Variants in HS6ST3 observed in about 807,000 individuals in gnomAD.
HS6ST3 encodes the protein heparan-sulfate 6-O-sulfotransferase 3.
HS6ST3 carries 12 observed loss-of-function variants against 36.7 expected under a neutral mutation model. The ratio of observed to expected loss-of-function variants is 0.33; its 90% CI spans 0.21 to 0.53. The LOEUF (loss-of-function observed/expected upper bound fraction) is 0.53. Ranked by LOEUF, HS6ST3 falls within the 20% of genes least tolerant of loss-of-function variation. The pLI is 0.95. For synonymous variants in HS6ST3, 240 were observed against 257.5 expected (o/e 0.93, Z 0.65); for missense variants, 584 against 640.9 (o/e 0.91, Z 0.96).
intron 1 of HS6ST3, among the ~76,000 whole-genome samples, chr13:96,824,276 G>A (rs1389324739): frequency 6.6e-6 from 1 of 152,242 alleles, no homozygotes; most frequent in African/African-American, 2.4e-5. Context: ...TGGCTTCTGT[G>A]TGAGGTAAGA....
At chr13:96,696,853 T>C (rs938613512) in intron 1 of HS6ST3, among the ~76,000 whole-genome samples, 6 of 152,152 alleles carry the variant, frequency 3.9e-5, no homozygotes, top group Admixed American at 2.6e-4. Flanking sequence ...ACTCAAGACC[T>C]GCTCTCACCA....
chr13:96,190,618 C>A (rs1272874681), intron 1 of HS6ST3, among the ~76,000 whole-genome samples: 1 of 152,194 alleles, frequency 6.6e-6, no homozygotes, highest in African/African-American at 2.4e-5. Flanking sequence ...ACAAAACAAG[C>A]TTCTTGCTTT....
chr13:96,538,470 G>T (rs549445871), intron 1 of HS6ST3, among the ~76,000 whole-genome samples: 107 of 152,310 alleles, frequency 7.0e-4, no homozygotes, highest in African/African-American at 2.3e-3. Flanking sequence ...TTGAGACAGG[G>T]TCTCACTCTG....
At chr13:96,778,865 C>T (rs1877458289) in intron 1 of HS6ST3, among the ~76,000 whole-genome samples, 1 of 152,162 alleles carries the variant, frequency 6.6e-6, no homozygotes, top group Admixed American at 6.5e-5. Flanking sequence ...AAGACACATG[C>T]ACACATATGT....
chr13:96,694,504 A>G (rs776590510), intron 1 of HS6ST3, among the ~76,000 whole-genome samples: 10 of 152,128 alleles, frequency 6.6e-5, no homozygotes, highest in Non-Finnish European at 1.5e-4. Context: ...TGATAGGTTG[A>G]TTTATATATT....
intron 1 of HS6ST3, among the ~76,000 whole-genome samples, chr13:96,196,045 T>C (rs896430022): frequency 6.6e-6 from 1 of 152,184 alleles, no homozygotes; most frequent in Non-Finnish European, 1.5e-5. Flanking sequence ...TGTGTGCTTT[T>C]TCCTCAAGTG....
At chr13:96,780,972 A>G (rs1157320411) in intron 1 of HS6ST3, among the ~76,000 whole-genome samples, 1 of 151,716 alleles carries the variant, frequency 6.6e-6, no homozygotes, top group African/African-American at 2.4e-5. Context: ...ACTAGATTAT[A>G]TACTTTACCT....
rs2055836271 is a variant in HS6ST3, at chr13:96,470,688, C to T, written c.708-361802C>T. On this transcript the variant is annotated intron_variant, in intron 1 of 1. Coordinates refer to ENST00000376705, the MANE Select transcript of HS6ST3 (RefSeq NM_153456.4). ...TCCCACTCAGCTCTTCAACCCACTG[C>T]ACTCTTGCCTCTGTCCTCACCACTC... Among the ~76,000 whole-genome samples the T allele has an allele frequency of 2.0e-5, 3 of 152,306 alleles. No individual in the cohort carries two copies. In the South Asian group the frequency reaches 6.2e-4, roughly 32 times the overall value.
chr13:96,184,102 G>A (rs1566902033), intron 1 of HS6ST3, among the ~76,000 whole-genome samples: 1 of 150,572 alleles, frequency 6.6e-6, no homozygotes, highest in African/African-American at 2.4e-5. Context: ...TCGGGAGGCT[G>A]AGGTGGGAGA....
chr13:96,292,192 T>C (rs945389546), intron 1 of HS6ST3, among the ~76,000 whole-genome samples: 1 of 144,340 alleles, frequency 6.9e-6, no homozygotes, highest in Non-Finnish European at 1.5e-5. Flanking sequence ...ATATGAAGTT[T>C]TTAGAAGTTT....
intron 1 of HS6ST3, among the ~76,000 whole-genome samples, chr13:96,213,957 A>G (rs1411473133): frequency 6.6e-6 from 1 of 152,152 alleles, no homozygotes; most frequent in Non-Finnish European, 1.5e-5. Flanking sequence ...ACAGAGAATA[A>G]TGTAACAGCA....
chr13:96,817,326 G>A (rs1478462647), intron 1 of HS6ST3, among the ~76,000 whole-genome samples: 1 of 152,168 alleles, frequency 6.6e-6, no homozygotes, highest in East Asian at 1.9e-4. Flanking sequence ...GTGGACGCAG[G>A]AAATCACAGG....
intron 1 of HS6ST3, among the ~76,000 whole-genome samples, chr13:96,278,356 C>T (rs576180741): frequency 6.6e-6 from 1 of 152,248 alleles, no homozygotes; most frequent in East Asian, 1.9e-4. Flanking sequence ...AGGCAGCACA[C>T]CGGAGTAAGA....
intron 1 of HS6ST3, among the ~76,000 whole-genome samples, chr13:96,577,363 C>T (rs1373558862): frequency 6.6e-6 from 1 of 152,186 alleles, no homozygotes; most frequent in Non-Finnish European, 1.5e-5. Flanking sequence ...TATATGGCTG[C>T]ATAGTATTCC....
At chr13:96,783,331 A>G (rs528026568) in intron 1 of HS6ST3, among the ~76,000 whole-genome samples, 12 of 152,228 alleles carry the variant, frequency 7.9e-5, no homozygotes, top group African/African-American at 2.4e-4. Flanking sequence ...AGGGCATTTG[A>G]CAGCCTACAA....
At chr13:96,514,867 T>C (rs1484365897) in intron 1 of HS6ST3, among the ~76,000 whole-genome samples, 2 of 152,212 alleles carry the variant, frequency 1.3e-5, no homozygotes, top group Admixed American at 1.3e-4. Context: ...TAAGATACTC[T>C]TAGGCATGCA....
rs143974764 is a variant in HS6ST3, at chr13:96,760,923, C to T, written c.708-71567C>T. ...ACCCACATTCCATTTATAGATTGGACGGGCAGATAATTTTATATTAAAATT... is the reference window on the plus strand; with the variant it reads ...ACCCACATTCCATTTATAGATTGGATGGGCAGATAATTTTATATTAAAATT... On this transcript the variant is annotated intron_variant, in intron 1 of 1. Transcript: ENST00000376705. Among the ~76,000 whole-genome samples the T allele has an allele frequency of 2.6e-3, 390 of 152,004 alleles. 2 individuals are homozygous for T. Among genetic ancestry groups the T allele is most frequent in the Non-Finnish European group, 3.3e-3 (222 of 67,976 alleles).
chr13:96,204,327 A>G (rs2054358759), intron 1 of HS6ST3, among the ~76,000 whole-genome samples: 1 of 152,206 alleles, frequency 6.6e-6, no homozygotes, highest in Non-Finnish European at 1.5e-5. Flanking sequence ...TATGCACCCA[A>G]TATAGGAGCA....
At chr13:96,826,492 G>C (rs985040519) in intron 1 of HS6ST3, among the ~76,000 whole-genome samples, 1 of 152,056 alleles carries the variant, frequency 6.6e-6, no homozygotes, top group African/African-American at 2.4e-5. Flanking sequence ...TGAGGCCTAA[G>C]GTAAGGTTAT....
Sources: gnomAD v4.1 joint callset for allele counts (sites outside exome capture counted in the v4.1 genomes callset) on GRCh38, gnomAD v4.1.1 for gene constraint, MANE v1.5 for transcripts, NCBI Gene and HGNC (gene_info 2026-07-23, HGNC 2026-07-21) for gene names.